The following ARNT2 variants were observed in gnomAD, a reference collection of about 807,000 sequenced individuals.
The protein encoded by ARNT2 is aryl hydrocarbon receptor nuclear translocator 2.
In ARNT2, 36 loss-of-function variants were observed where a neutral mutation model predicts 91.7. The observed-to-expected ratio is 0.39, with a 90% CI of 0.30 to 0.52. The LOEUF (loss-of-function observed/expected upper bound fraction) is 0.52, where lower values mean the gene tolerates loss of function less well. ARNT2 is among the 20% of genes least tolerant of loss of function. The probability of loss-of-function intolerance (pLI) is 0.72; values close to 1 mark genes in which losing one functional copy is unlikely to be tolerated. For missense variants in ARNT2, 775 were observed against 939.3 expected, an observed-to-expected ratio of 0.83 and a Z score of 2.29; for synonymous variants, 365 against 347.1, an observed-to-expected ratio of 1.05 and a Z score of -0.57.
rs16972141 is a variant in ARNT2 at position 80,449,763 on chromosome 15, T to C, written c.32-1117T>C. 4.7e-3 allele frequency among the ~76,000 whole-genome samples: 710 copies of C among 152,350 alleles called. 4 individuals carry two copies. Among genetic ancestry groups the C allele is most frequent in the Middle Eastern group, 0.02 (6 of 294 alleles). ...GTGGGTCAACTGTCACAGGACTCCC[T>C]GAGTTCTACTGAAAGGAAACAGAGC... On this transcript the variant is annotated intron_variant, in intron 1 of 18. Transcript: ENST00000303329.
intron 8 of ARNT2, among the ~76,000 whole-genome samples, chr15:80,537,587 G>A (rs1448171378): frequency 6.6e-6 from 1 of 152,222 alleles, no homozygotes; most frequent in African/African-American, 2.4e-5. Flanking sequence ...AATCTGTGAT[G>A]CCTGCCATGG....
rs1390396611 is a variant in ARNT2 at position 80,597,438 on chromosome 15, A to AC, written c.*3744dup. ...CTGCCGGGGTCATTCCCCACCAAAC[A>AC]CCCCATACTAAGGAGCCATGAGCCA... On this transcript the variant is annotated 3_prime_UTR_variant, in exon 19 of 19. Transcript: ENST00000303329. The AC allele has an allele frequency of 2.9e-6, 1 of 340,014 alleles. No homozygotes were observed. The highest frequency in any genetic ancestry group is 5.9e-6 in the Non-Finnish European group (1 of 169,776). 21.1% of individuals were successfully genotyped at this position (340,014 alleles called of 1,614,324 possible). A position where few individuals can be genotyped will look rare whatever the true frequency, so the allele number is the denominator to read the frequency against.
Position 80,528,881 on chromosome 15 carries a change from G to A in ARNT2, c.877+14476G>A, listed in dbSNP as rs183860321. On this transcript the variant is annotated intron_variant, in intron 8 of 18. Transcript: ENST00000303329. ...ACCCAGCCTCTGTTATTCCTTTATA[G>A]CAAGACAAAACAGACTAAGACACAA... 2.0e-4 allele frequency among the ~76,000 whole-genome samples: 30 copies of A among 152,238 alleles called. No individual in the cohort carries two copies. The East Asian group carries it at 5.6e-3, about 28-fold the overall frequency.
intron 6 of ARNT2, among the ~76,000 whole-genome samples, chr15:80,509,776 G>A (rs1442431695): frequency 1.3e-5 from 2 of 152,194 alleles, no homozygotes; most frequent in African/African-American, 2.4e-5. Flanking sequence ...GGAATAGCAA[G>A]TGCAAAGGCC....
At chr15:80,409,369 T>C (rs1895650242) in intron 1 of ARNT2, among the ~76,000 whole-genome samples, 1 of 151,746 alleles carries the variant, frequency 6.6e-6, no homozygotes, top group Non-Finnish European at 1.5e-5. Flanking sequence ...CTTAATAATA[T>C]GCATTTACAT....
intron 1 of ARNT2, among the ~76,000 whole-genome samples, chr15:80,435,251 G>T (rs1258453501): frequency 1.3e-5 from 2 of 152,266 alleles, no homozygotes; most frequent in South Asian, 2.1e-4. Context: ...AGCTCTGCCC[G>T]AGGTTCTCTT....
chr15:80,568,605 A>C (rs1244067220), intron 12 of ARNT2, among the ~76,000 whole-genome samples: 1 of 152,214 alleles, frequency 6.6e-6, no homozygotes, highest in East Asian at 1.9e-4. Flanking sequence ...AATGAAGTCA[A>C]AGGAAGGCTG....
intron 11 of ARNT2, among the ~76,000 whole-genome samples, chr15:80,557,518 C>T (rs1898213930): frequency 6.6e-6 from 1 of 152,110 alleles, no homozygotes; most frequent in Admixed American, 6.5e-5. Context: ...GCCTTAACAC[C>T]TGGGTGATGA....
intron 1 of ARNT2, among the ~76,000 whole-genome samples, chr15:80,408,254 G>T (rs1895630037): frequency 6.6e-6 from 1 of 152,170 alleles, no homozygotes; most frequent in African/African-American, 2.4e-5. Flanking sequence ...GAGCAATGTG[G>T]AGATGAGGGA....
chr15:80,593,619 G>A lies in ARNT2; in HGVS notation c.2075G>A (p.Gly692Glu), dbSNP rs747618303. 5.0e-6 allele frequency: 8 copies of A among 1,602,336 alleles called. No homozygotes were observed. The highest frequency in any genetic ancestry group is 6.8e-6 in the Non-Finnish European group (8 of 1,173,086). Residue 692 changes from glycine (G) to glutamate (E), a missense_variant, in exon 19 of 19, where the codon GGA (glycine) becomes GAA (glutamate). By Grantham distance (98) the Gly-to-Glu change is moderately conservative. This residue lies in a region of ARNT2 where 325 missense variants were observed against 359.9 expected (regional missense o/e 0.90). Transcript: ENST00000303329. ...CTGCAGGACATGCTGCCCATGCCAG[G>A]AGATCCAACCCAGGGGACTGGCAAC... ...EVFQDMLPMP[G>E]DPTQGTGNYN... is the part of the protein sequence containing the mutation.
intron 5 of ARNT2, among the ~76,000 whole-genome samples, chr15:80,501,545 A>G (rs1427127866): frequency 1.3e-5 from 2 of 152,232 alleles, no homozygotes; most frequent in Non-Finnish European, 2.9e-5. Flanking sequence ...AAGAATAGCA[A>G]GTTATTCAAT....
chr15:80,513,712 C>G (rs1438409370), intron 6 of ARNT2, among the ~76,000 whole-genome samples, 199 bp from the exon 7 acceptor site: 1 of 101,564 alleles, frequency 9.8e-6, no homozygotes, highest in African/African-American at 4.1e-5. Context: ...ACTCTCCTTT[C>G]TTCAGTCACA....
intron 18 of ARNT2, among the ~76,000 whole-genome samples, chr15:80,592,146 G>T (rs1893291271): frequency 6.6e-6 from 1 of 152,144 alleles, no homozygotes; most frequent in South Asian, 2.1e-4. Flanking sequence ...GCCTTGCCCT[G>T]GCTCTGCTCT....
chr15:80,488,518 T>G (rs1334766204), intron 5 of ARNT2: 2 of 152,208 alleles, frequency 1.3e-5, no homozygotes, highest in African/African-American at 4.8e-5. Flanking sequence ...ACAGTGGTTC[T>G]CAATCTCATT....
chr15:80,479,600 A>G (rs1896856151), intron 5 of ARNT2, among the ~76,000 whole-genome samples: 1 of 152,164 alleles, frequency 6.6e-6, no homozygotes. Context: ...GGAAGTTTCT[A>G]AGGCTCCTTC....
intron 1 of ARNT2, among the ~76,000 whole-genome samples, chr15:80,425,330 T>C (rs1266275432): frequency 6.6e-6 from 1 of 152,190 alleles, no homozygotes; most frequent in Admixed American, 6.5e-5. Flanking sequence ...TTTTTGTTTT[T>C]TTGAGTGAAG....
chr15:80,568,938 G>GCACACACACGCGCGTGCA (rs1567004255), intron 12 of ARNT2, among the ~76,000 whole-genome samples: 1 of 151,816 alleles, frequency 6.6e-6, no homozygotes, highest in Non-Finnish European at 1.5e-5. Flanking sequence ...ACACACACGC[G>GCACACACACGCGCGTGCA]CACACACACG....
intron 16 of ARNT2, among the ~76,000 whole-genome samples, chr15:80,580,864 G>A (rs115656502): frequency 3.3e-5 from 5 of 152,218 alleles, no homozygotes; most frequent in East Asian, 1.9e-4. Context: ...CTGCCCCTGC[G>A]CCAGGAGGGC....
intron 5 of ARNT2, among the ~76,000 whole-genome samples, chr15:80,497,948 C>CA (rs891800986): frequency 4.8e-4 from 73 of 152,254 alleles, no homozygotes; most frequent in African/African-American, 1.7e-3. Flanking sequence ...TGTTAGTCTC[C>CA]AAGTGTTTGC....
Sources: allele counts gnomAD v4.1 joint callset (sites outside exome capture counted in the v4.1 genomes callset), GRCh38; gene constraint gnomAD v4.1.1; regional missense constraint gnomAD v4.1.1; transcripts MANE v1.5; gene names NCBI Gene and HGNC (gene_info 2026-07-23, HGNC 2026-07-21).